Variants in IL1RAPL1 observed in about 807,000 individuals in gnomAD.
IL1RAPL1 encodes the protein interleukin-1 receptor accessory protein-like 1.
IL1RAPL1 carries 3 observed loss-of-function variants against 48.4 expected under a neutral mutation model. The observed-to-expected ratio is 0.06, with a 90% CI of 0.03 to 0.16. The LOEUF (loss-of-function observed/expected upper bound fraction) is 0.16. Ranked by LOEUF, IL1RAPL1 falls within the 10% of genes least tolerant of loss-of-function variation. IL1RAPL1 has a pLI of 1.00. For synonymous variants in IL1RAPL1, 185 were observed against 187.7 expected, an observed-to-expected ratio of 0.99 and a Z score of 0.12; for missense variants, 349 against 530.6, an observed-to-expected ratio of 0.66 and a Z score of 3.36.
chrX:28,941,720 C>T (rs976219615), intron 2 of IL1RAPL1, among the ~76,000 whole-genome samples: 4 of 111,073 alleles, frequency 3.6e-5, no homozygotes, highest in Non-Finnish European at 5.7e-5. Flanking sequence ...ACACTTTCTT[C>T]TCATGCTCAA....
intron 3 of IL1RAPL1, among the ~76,000 whole-genome samples, chrX:29,385,385 C>T (rs1933762259): frequency 8.9e-6 from 1 of 111,903 alleles, no homozygotes; most frequent in Non-Finnish European, 1.9e-5. Flanking sequence ...ACCTGGGAGG[C>T]GGAGGTTGCG....
chrX:29,328,633 A>AT (rs1279469147), intron 3 of IL1RAPL1, among the ~76,000 whole-genome samples: 8 of 100,372 alleles, frequency 8.0e-5, no homozygotes, highest in African/African-American at 3.2e-4. Flanking sequence ...TTATATATGT[A>AT]TATATATATA....
chrX:29,329,752 G>C lies in IL1RAPL1; in HGVS notation c.362+46535G>C, dbSNP rs371471485. 7.4e-5 allele frequency among the ~76,000 whole-genome samples: 8 copies of C among 107,823 alleles called. No homozygotes were observed. In the East Asian group the frequency reaches 8.8e-4, roughly 12 times the overall value. 93.6% of individuals were successfully genotyped at this position (107,823 alleles called of 115,157 possible). A position where few individuals can be genotyped will look rare whatever the true frequency, so the allele number is the denominator to read the frequency against. The stretch of plus-strand genomic sequence containing the variant: ...CGCTTGAACCCAGGAGGCGAAGGTT[G>C]CAGTGAGCCAAGATTGCACCATTGC... On this transcript the variant is annotated intron_variant, in intron 3 of 10. Transcript: ENST00000378993.
chrX:28,943,285 G>A (rs1924212127), intron 2 of IL1RAPL1, among the ~76,000 whole-genome samples: 1 of 109,679 alleles, frequency 9.1e-6, no homozygotes, highest in Admixed American at 9.8e-5. Flanking sequence ...GGGGGATAGA[G>A]AGACAGAAAT....
chrX:29,448,146 A>G (rs1934633913), intron 5 of IL1RAPL1, among the ~76,000 whole-genome samples: 1 of 111,611 alleles, frequency 9.0e-6, no homozygotes, highest in South Asian at 3.8e-4. Flanking sequence ...GGAACCACTG[A>G]GATTTTACCA....
chrX:29,173,111 C>T (rs752871202), intron 2 of IL1RAPL1, among the ~76,000 whole-genome samples: 2 of 111,133 alleles, frequency 1.8e-5, no homozygotes, highest in East Asian at 2.9e-4. Context: ...ATTTTGAATA[C>T]GTATGCCTGA....
chrX:29,032,812 T>A (rs916475129), intron 2 of IL1RAPL1, among the ~76,000 whole-genome samples: 1 of 112,433 alleles, frequency 8.9e-6, no homozygotes, highest in African/African-American at 3.2e-5. Flanking sequence ...GAACTGAGTT[T>A]GAATTGCGGG....
At chrX:29,098,949 G>A (rs1178001276) in intron 2 of IL1RAPL1, among the ~76,000 whole-genome samples, 5 of 111,713 alleles carry the variant, frequency 4.5e-5, no homozygotes, top group Non-Finnish European at 3.8e-5. Flanking sequence ...TCAGGAGTTT[G>A]ACACCAGCCT....
At chrX:29,890,467 C>T (rs1601869156) in intron 6 of IL1RAPL1, among the ~76,000 whole-genome samples, 1 of 111,930 alleles carries the variant, frequency 8.9e-6, no homozygotes, top group East Asian at 2.8e-4. Flanking sequence ...AATTCTTACT[C>T]TGGAAGGACT....
intron 5 of IL1RAPL1, among the ~76,000 whole-genome samples, chrX:29,604,953 A>G (rs1923839732): frequency 1.8e-5 from 2 of 109,657 alleles, no homozygotes; most frequent in African/African-American, 3.3e-5. Context: ...GTGTAAACCA[A>G]CTCATCCCCA....
intron 5 of IL1RAPL1, among the ~76,000 whole-genome samples, chrX:29,484,023 A>C (rs950864804): frequency 4.1e-5 from 4 of 97,924 alleles, no homozygotes; most frequent in Non-Finnish European, 6.4e-5. Context: ...AAAAAAAAAA[A>C]AACTCATTGA....
chrX:29,232,947 C>T (rs1362432134), intron 2 of IL1RAPL1, among the ~76,000 whole-genome samples: 3 of 109,164 alleles, frequency 2.7e-5, no homozygotes, highest in Non-Finnish European at 3.8e-5. Context: ...TACAGGCACC[C>T]GCCACCGCAC....
At chrX:29,240,093 G>A (rs1388748380) in intron 2 of IL1RAPL1, among the ~76,000 whole-genome samples, 3 of 103,665 alleles carry the variant, frequency 2.9e-5, no homozygotes, top group East Asian at 6.0e-4. Context: ...TTACTATGTA[G>A]CCTAAAATAT....
intron 2 of IL1RAPL1, among the ~76,000 whole-genome samples, chrX:28,925,380 G>A (rs1393936574): frequency 9.0e-6 from 1 of 111,348 alleles, no homozygotes; most frequent in Non-Finnish European, 1.9e-5. Context: ...TCATCTTTTT[G>A]CCAAATATTT....
chrX:28,918,025 T>C (rs1442615110), intron 2 of IL1RAPL1, among the ~76,000 whole-genome samples: 1 of 112,526 alleles, frequency 8.9e-6, no homozygotes, highest in Admixed American at 9.4e-5. Flanking sequence ...ACTGTAAAAA[T>C]TTAACTTTCA....
intron 5 of IL1RAPL1, among the ~76,000 whole-genome samples, chrX:29,492,169 A>G (rs1250207749): frequency 1.8e-5 from 2 of 112,604 alleles, no homozygotes; most frequent in South Asian, 3.6e-4. Context: ...TCTTGTAAGC[A>G]TAAGTGAAAT....
chrX:29,569,356 G>GCCAGTGCA (rs1569340942), intron 5 of IL1RAPL1, among the ~76,000 whole-genome samples: 9 of 111,087 alleles, frequency 8.1e-5, no homozygotes, highest in Non-Finnish European at 1.7e-4. Context: ...ATCTCAGAGA[G>GCCAGTGCA]CCTGAGAAAC....
At chrX:29,431,213 G>A (rs1452385221) in intron 5 of IL1RAPL1, among the ~76,000 whole-genome samples, 2 of 112,221 alleles carry the variant, frequency 1.8e-5, no homozygotes, top group African/African-American at 6.5e-5. Flanking sequence ...AGATTTTACA[G>A]TGTATGAAGT....
chrX:29,112,318 T>C (rs1423461316), intron 2 of IL1RAPL1, among the ~76,000 whole-genome samples: 2 of 112,096 alleles, frequency 1.8e-5, no homozygotes, highest in Non-Finnish European at 3.8e-5. Context: ...CCTTAACGGT[T>C]AGTGATTTGA....
Sources: gnomAD v4.1 joint callset for allele counts (sites outside exome capture counted in the v4.1 genomes callset) on GRCh38, gnomAD v4.1.1 for gene constraint, MANE v1.5 for transcripts, NCBI Gene and HGNC (gene_info 2026-07-23, HGNC 2026-07-21) for gene names.